Variants in MTHFD2L observed in about 807,000 individuals in gnomAD.
MTHFD2L encodes bifunctional methylenetetrahydrofolate dehydrogenase/cyclohydrolase 2, mitochondrial.
MTHFD2L carries 29 observed loss-of-function variants against 34.9 expected under a neutral mutation model. The observed-to-expected ratio is 0.83, with a 90% CI of 0.62 to 1.13. MTHFD2L has a LOEUF of 1.13. MTHFD2L is among the 50% of genes most tolerant of loss of function. The pLI is 0.00. For synonymous variants in MTHFD2L, 167 were observed against 155.7 expected (o/e 1.07, Z -0.54); for missense variants, 481 against 446.5 (o/e 1.08, Z -0.70).
At chr4:74,250,997 G>A (rs1452557206) in intron 6 of MTHFD2L, among the ~76,000 whole-genome samples, 1 of 152,066 alleles carries the variant, frequency 6.6e-6, no homozygotes, top group Non-Finnish European at 1.5e-5. Flanking sequence ...CAGAATTTTA[G>A]GGAAATATCC....
intron 6 of MTHFD2L, among the ~76,000 whole-genome samples, chr4:74,260,035 C>T (rs1364659338): frequency 6.6e-6 from 1 of 152,154 alleles, no homozygotes; most frequent in Non-Finnish European, 1.5e-5. Flanking sequence ...TGCTCCACTA[C>T]AGCCATTGCC....
rs3832298 is a variant in MTHFD2L at position 74,281,324 on chromosome 4, C to CGTGTGTGTGTGTGTGTGTGT, written c.806-94_806-75dup. ...TTTAAGGAACAATGTATTACACATA[C>CGTGTGTGTGTGTGTGTGTGT]GTGTGTGTGTGTGTGTGTGTGTGTG... On this transcript the variant is annotated intron_variant, in intron 6 of 7. Coordinates refer to ENST00000325278, the MANE Select transcript of MTHFD2L (RefSeq NM_001144978.3). 1,316 of 867,610 alleles carry CGTGTGTGTGTGTGTGTGTGT rather than the reference C, an allele frequency of 1.5e-3. 20 individuals carry two copies. In the African/African-American group the frequency reaches 0.022, roughly 15 times the overall value. The allele number at this position is 867,610 out of a possible 1,614,324, so 53.7% of individuals were successfully genotyped here.
At chr4:74,231,163 G>A (rs1739990322) in intron 6 of MTHFD2L, among the ~76,000 whole-genome samples, 1 of 152,106 alleles carries the variant, frequency 6.6e-6, no homozygotes, top group African/African-American at 2.4e-5. Context: ...TAGTAACTCA[G>A]AATATTCATA....
Position 74,152,603 on chromosome 4 carries a change from A to T in MTHFD2L, c.-296-7452A>T, listed in dbSNP as rs146843779. On this transcript the variant is annotated intron_variant, in intron 1 of 7. Coordinates refer to the MTHFD2L transcript ENST00000433372. ...TACATACACCATGGTAGTTTGCTGC[A>T]CCTATCAACCCATCATCTAGATTTT... Among the ~76,000 whole-genome samples the T allele has an allele frequency of 2.3e-4, 35 of 152,092 alleles. No homozygotes were observed. The East Asian group carries it at 2.5e-3, about 11-fold the overall frequency.
At chr4:74,193,623 T>C (rs573966613) in intron 3 of MTHFD2L, among the ~76,000 whole-genome samples, 1 of 152,278 alleles carries the variant, frequency 6.6e-6, no homozygotes, top group Admixed American at 6.5e-5. Context: ...GTAGTTCTTA[T>C]TATAGATGTT....
intron 1 of MTHFD2L, among the ~76,000 whole-genome samples, chr4:74,132,998 T>C (rs1490222432): frequency 6.6e-6 from 1 of 152,208 alleles, no homozygotes; most frequent in African/African-American, 2.4e-5. Flanking sequence ...AAATATTTTC[T>C]TTTAGTTAGT....
chr4:74,258,489 A>G (rs1744299258), intron 6 of MTHFD2L, among the ~76,000 whole-genome samples: 2 of 152,092 alleles, frequency 1.3e-5, no homozygotes, highest in South Asian at 2.1e-4. Flanking sequence ...TAACCAAATG[A>G]AGATTGAAAA....
chr4:74,176,463 T>C (rs991591946), intron 3 of MTHFD2L, among the ~76,000 whole-genome samples: 1 of 152,066 alleles, frequency 6.6e-6, no homozygotes, highest in Non-Finnish European at 1.5e-5. Context: ...TTCACTTTTA[T>C]AGGCTAATCC....
In MTHFD2L at chr4:74,173,418, C is replaced by A. The variant is rs150616508; in HGVS notation, c.144-1088C>A. Reference sequence around the variant, plus strand: ...AAACTTACTCCATTAGAAATGATGCCATTGCATTGGGAAGGAACTAAACTA... The same window carrying A: ...AAACTTACTCCATTAGAAATGATGCAATTGCATTGGGAAGGAACTAAACTA... On this transcript the variant is annotated intron_variant, in intron 1 of 7. Coordinates refer to ENST00000325278, the MANE Select transcript of MTHFD2L (RefSeq NM_001144978.3). 2.9e-3 allele frequency among the ~76,000 whole-genome samples: 440 copies of A among 152,250 alleles called. 1 individual carries two copies. The highest frequency in any genetic ancestry group is 9.8e-3 in the African/African-American group (407 of 41,546).
At chr4:74,225,998 C>CT (rs898836555) in intron 6 of MTHFD2L, among the ~76,000 whole-genome samples, 31 of 151,050 alleles carry the variant, frequency 2.1e-4, no homozygotes, top group African/African-American at 7.3e-4. Context: ...GATACAACAA[C>CT]TTTTTTTTTA....
chr4:74,230,823 A>C (rs16850733), intron 6 of MTHFD2L, among the ~76,000 whole-genome samples: 1,848 of 152,248 alleles, frequency 0.012, 40 homozygotes, highest in African/African-American at 0.043. Flanking sequence ...TATCTGCTTT[A>C]AGGAAACTGT....
chr4:74,298,309 C>T (rs1749872009), intron 7 of MTHFD2L, among the ~76,000 whole-genome samples: 1 of 152,028 alleles, frequency 6.6e-6, no homozygotes, highest in South Asian at 2.1e-4. Flanking sequence ...TAGCCCAGAT[C>T]AGGTGAAGAC....
intron 1 of MTHFD2L, among the ~76,000 whole-genome samples, chr4:74,148,448 C>T (rs1049572639): frequency 2.7e-5 from 4 of 150,886 alleles, no homozygotes; most frequent in African/African-American, 7.3e-5. Context: ...AGTGCAGTGG[C>T]GTGGTTTCTG....
At chr4:74,267,021 C>G in intron 6 of MTHFD2L, 2 of 985,416 alleles carry the variant, frequency 2.0e-6, no homozygotes, top group Non-Finnish European at 2.4e-6. Flanking sequence ...TGGCTGGTAG[C>G]AGAGCTCCCC....
chr4:74,116,569 AG>A (rs1472490280), intron 2 of MTHFD2L, among the ~76,000 whole-genome samples: 1 of 152,192 alleles, frequency 6.6e-6, no homozygotes, highest in Non-Finnish European at 1.5e-5. Flanking sequence ...TGAACTAGGG[AG>A]GGGCTCTAAT....
intron 7 of MTHFD2L, among the ~76,000 whole-genome samples, chr4:74,285,827 G>A (rs557173855): frequency 1.3e-5 from 2 of 152,224 alleles, no homozygotes; most frequent in Admixed American, 6.5e-5. Flanking sequence ...CATGAAATTA[G>A]TGATCATATA....
intron 5 of MTHFD2L, among the ~76,000 whole-genome samples, chr4:74,216,198 T>C (rs1046245831): frequency 6.6e-6 from 1 of 151,784 alleles, no homozygotes; most frequent in African/African-American, 2.4e-5. Flanking sequence ...AGATTAAAGC[T>C]ACCATTGGCA....
chr4:74,301,191 A>G (rs1014761291), intron 7 of MTHFD2L, among the ~76,000 whole-genome samples: 1 of 152,242 alleles, frequency 6.6e-6, no homozygotes, highest in South Asian at 2.1e-4. Flanking sequence ...AGGACTATGT[A>G]TGTGTTCATA....
At chr4:74,208,677 A>G (rs939359980) in intron 5 of MTHFD2L, among the ~76,000 whole-genome samples, 9 of 152,166 alleles carry the variant, frequency 5.9e-5, no homozygotes, top group African/African-American at 2.2e-4. Context: ...ACAGGCCCAA[A>G]TCTCACCAAC....
Sources: allele counts gnomAD v4.1 joint callset (sites outside exome capture counted in the v4.1 genomes callset), GRCh38; gene constraint gnomAD v4.1.1; transcripts MANE v1.5; gene names NCBI Gene and HGNC (gene_info 2026-07-23, HGNC 2026-07-21).